The following PLOD2 variants were observed in gnomAD, a reference collection of about 807,000 sequenced individuals.
PLOD2 encodes procollagen-lysine,2-oxoglutarate 5-dioxygenase 2.
A neutral mutation model predicts 101.0 loss-of-function variants in PLOD2; 65 were observed. That is an observed-to-expected ratio of 0.64 (90% CI 0.53 to 0.79). The LOEUF (loss-of-function observed/expected upper bound fraction) is 0.79, where lower values mean the gene tolerates loss of function less well. Among genes scored for constraint, PLOD2 ranks in the 30% least tolerant of loss-of-function variants. The pLI, the probability that PLOD2 is intolerant of heterozygous loss-of-function variation, is 0.00. For synonymous variants in PLOD2, 314 were observed against 302.9 expected, an observed-to-expected ratio of 1.04 and a Z score of -0.38; for missense variants, 909 against 914.6, an observed-to-expected ratio of 0.99 and a Z score of 0.08.
intron 3 of PLOD2, among the ~76,000 whole-genome samples, chr3:146,117,898 C>G (rs953483135): frequency 2.6e-5 from 4 of 151,950 alleles, no homozygotes; most frequent in African/African-American, 9.7e-5. Context: ...AGGTCCCTCA[C>G]TATACCAGTT....
intron 1 of PLOD2, among the ~76,000 whole-genome samples, chr3:146,152,984 T>A (rs766610690): frequency 2.0e-4 from 30 of 152,168 alleles, no homozygotes; most frequent in Non-Finnish European, 3.4e-4. Context: ...ATTGTCCTTC[T>A]CTAGACGTGG....
intron 8 of PLOD2, 44 bp from the exon 9 acceptor site, chr3:146,088,755 GGTTTT>G (rs1936874207): frequency 2.0e-6 from 3 of 1,481,624 alleles, no homozygotes; most frequent in Non-Finnish European, 2.8e-6. Context: ...TCATTAGTAT[GGTTTT>G]GTTTTAAATT....
At chr3:146,159,634 T>C (rs942754414) in intron 1 of PLOD2, among the ~76,000 whole-genome samples, 11 of 152,220 alleles carry the variant, frequency 7.2e-5, no homozygotes, top group Non-Finnish European at 1.0e-4. Context: ...CCAGATATTA[T>C]GTTAGAAGAA....
intron 11 of PLOD2, among the ~76,000 whole-genome samples, chr3:146,082,377 G>A (rs1936584877): frequency 6.6e-6 from 1 of 152,118 alleles, no homozygotes; most frequent in African/African-American, 2.4e-5. Context: ...CTGTAATTAA[G>A]TCTCAAATTA....
chr3:146,071,612 T>C (rs1212656420), intron 17 of PLOD2, among the ~76,000 whole-genome samples, 189 bp from the exon 18 acceptor site: 1 of 151,784 alleles, frequency 6.6e-6, no homozygotes, highest in African/African-American at 2.4e-5. Context: ...AATGATACAA[T>C]GACGAAACAA....
intron 1 of PLOD2, among the ~76,000 whole-genome samples, chr3:146,158,772 C>G (rs1401706757): frequency 6.6e-6 from 1 of 151,880 alleles, no homozygotes; most frequent in African/African-American, 2.4e-5. Context: ...TCCCTCAAAG[C>G]AAAGAAGTGT....
intron 1 of PLOD2, among the ~76,000 whole-genome samples, chr3:146,125,340 A>G (rs1317339456): frequency 6.6e-6 from 1 of 152,236 alleles, no homozygotes; most frequent in Admixed American, 6.5e-5. Flanking sequence ...ACAATAAAAT[A>G]TAAGTAAGTA....
At chr3:146,092,443 A>G (rs1193301398) in intron 7 of PLOD2, among the ~76,000 whole-genome samples, 1 of 152,080 alleles carries the variant, frequency 6.6e-6, no homozygotes, top group Non-Finnish European at 1.5e-5. Flanking sequence ...CTATAAGCTA[A>G]GCTTCTGGGC....
intron 5 of PLOD2, among the ~76,000 whole-genome samples, chr3:146,105,632 T>G (rs1937523839): frequency 1.3e-5 from 2 of 152,224 alleles, no homozygotes; most frequent in South Asian, 4.1e-4. Flanking sequence ...AAATGTGTTC[T>G]TTTAAAATTG....
intron 13 of PLOD2, among the ~76,000 whole-genome samples, 186 bp from the exon 14 acceptor site, chr3:146,078,110 CTTCTT>C (rs1258768004): frequency 6.6e-6 from 1 of 151,774 alleles, no homozygotes; most frequent in African/African-American, 2.4e-5. Context: ...TCTTTCAGCC[CTTCTT>C]TTCTTTTCTT....
At chr3:146,113,909 C>T (rs375076033) in intron 3 of PLOD2, among the ~76,000 whole-genome samples, 1 of 152,102 alleles carries the variant, frequency 6.6e-6, no homozygotes, top group Non-Finnish European at 1.5e-5. Context: ...GGAGAAATAT[C>T]GCTGAATTCT....
Position 146,094,200 on chromosome 3 carries a change from A to G in PLOD2, c.778-2299T>C, listed in dbSNP as rs139501618. On this transcript the variant is annotated intron_variant, in intron 7 of 19. Transcript: ENST00000282903. Reference sequence around the variant, plus strand: ...AGTATGATGTCATTTTCATTGACAGAGAAACTTTTCCGCCCAAATCCTTTC... The same window carrying G: ...AGTATGATGTCATTTTCATTGACAGGGAAACTTTTCCGCCCAAATCCTTTC... Among the ~76,000 whole-genome samples the G allele has an allele frequency of 2.8e-3, 427 of 152,358 alleles. 2 individuals carry two copies. The highest frequency in any genetic ancestry group is 9.8e-3 in the African/African-American group (408 of 41,586).
chr3:146,087,834 A>G (rs1330526596), intron 9 of PLOD2, among the ~76,000 whole-genome samples: 2 of 151,860 alleles, frequency 1.3e-5, no homozygotes, highest in African/African-American at 4.8e-5. Context: ...ATTTTTCACC[A>G]TTTTAAATCC....
At chr3:146,077,779 C>A in intron 14 of PLOD2, 83 bp downstream of exon 14, 1 of 757,594 alleles carries the variant, frequency 1.3e-6, no homozygotes, top group East Asian at 2.7e-5. Context: ...CAAATAAGGC[C>A]CTTAAAGAAA....
intron 7 of PLOD2, among the ~76,000 whole-genome samples, chr3:146,097,208 C>T (rs377439824): frequency 0.026 from 3,987 of 151,096 alleles, 65 homozygotes; most frequent in Non-Finnish European, 0.036. Flanking sequence ...CCAGCCGCCC[C>T]ATCCGGGAGG....
At chr3:146,121,543 T>C (rs984318300) in intron 2 of PLOD2, among the ~76,000 whole-genome samples, 14 of 152,190 alleles carry the variant, frequency 9.2e-5, no homozygotes. Context: ...TTATTCCTAT[T>C]TGTTTAGACC....
At chr3:146,149,968 G>T (rs2031981568) in intron 1 of PLOD2, among the ~76,000 whole-genome samples, 1 of 152,010 alleles carries the variant, frequency 6.6e-6, no homozygotes. Flanking sequence ...CTTCTCCAAG[G>T]ATTAAGTCTC....
chr3:146,079,291 CA>C (rs775031891), intron 12 of PLOD2, 34 bp from the exon 13 acceptor site: 1 of 1,517,980 alleles, frequency 6.6e-7, no homozygotes, highest in Non-Finnish European at 9.1e-7. Flanking sequence ...TTATATACCA[CA>C]AATACAAACA....
rs146388182 is a variant in PLOD2 at position 146,160,505 on chromosome 3, AAGG to A, written c.109+373_109+375del. Among the ~76,000 whole-genome samples the A allele has an allele frequency of 2.7e-4, 41 of 152,254 alleles. 1 individual carries two copies. In the East Asian group the frequency reaches 7.4e-3, roughly 27 times the overall value. Reference sequence around the variant, plus strand: ...ACTAAGCCCCGTGTTTAGGTCACAGAAGGAGTACTGCCTCGTCCATCAAGGATA... The same window carrying A: ...ACTAAGCCCCGTGTTTAGGTCACAGAAGTACTGCCTCGTCCATCAAGGATA... On this transcript the variant is annotated intron_variant, in intron 1 of 19. Transcript: ENST00000282903.
Sources: gnomAD v4.1 joint callset for allele counts (sites outside exome capture counted in the v4.1 genomes callset) on GRCh38, gnomAD v4.1.1 for gene constraint, MANE v1.5 for transcripts, NCBI Gene and HGNC (gene_info 2026-07-23, HGNC 2026-07-21) for gene names.